Variants in AKAP6 observed in about 807,000 individuals in gnomAD.
AKAP6 encodes A-kinase anchor protein 6.
In AKAP6, 58 loss-of-function variants were observed where a neutral mutation model predicts 188.5. The ratio of observed to expected loss-of-function variants is 0.31; its 90% CI spans 0.25 to 0.38. AKAP6 has a LOEUF of 0.38. Among genes scored for constraint, AKAP6 ranks in the 10% least tolerant of loss-of-function variants. AKAP6 has a pLI of 1.00. For missense variants in AKAP6, 2,710 were observed against 2,740.0 expected (o/e 0.99, Z 0.24); for synonymous variants, 989 against 998.6 (o/e 0.99, Z 0.18).
At chr14:32,532,031 T>G (rs1295440229) in intron 2 of AKAP6, among the ~76,000 whole-genome samples, 4 of 152,184 alleles carry the variant, frequency 2.6e-5, no homozygotes, top group Non-Finnish European at 5.9e-5. Flanking sequence ...ATATTGGTAA[T>G]TGTATGCTTA....
intron 1 of AKAP6, among the ~76,000 whole-genome samples, chr14:32,412,181 G>C (rs1194420060): frequency 2.6e-5 from 4 of 152,050 alleles, no homozygotes; most frequent in Non-Finnish European, 5.9e-5. Context: ...GCATACAATT[G>C]TCTACCAGCT....
In AKAP6 at chr14:32,821,392, T is replaced by C. The variant is rs756237439; in HGVS notation, c.3589-10T>C. The C allele has an allele frequency of 1.3e-6, 2 of 1,564,396 alleles. No individual in the cohort carries two copies. Among genetic ancestry groups the C allele is most frequent in the South Asian group, 1.2e-5 (1 of 83,082 alleles). Reference sequence around the variant, plus strand: ...ATTCTTCTCCTTTTCTTTTTCTTTCTCTCACACAGGAGACTTTGAATGTGA... The same window carrying C: ...ATTCTTCTCCTTTTCTTTTTCTTTCCCTCACACAGGAGACTTTGAATGTGA... On this transcript the variant is annotated splice_polypyrimidine_tract_variant and intron_variant, in intron 12 of 13. Transcript: ENST00000280979.
rs1319545840 is a variant in AKAP6 at position 32,830,679 on chromosome 14, A to G, written c.*874A>G. 2 of 152,632 alleles carry G rather than the reference A, an allele frequency of 1.3e-5. No individual in the cohort carries two copies. The highest frequency in any genetic ancestry group is 2.4e-5 in the African/African-American group (1 of 41,458). 9.5% of individuals were successfully genotyped at this position (152,632 alleles called of 1,614,324 possible). A position where few individuals can be genotyped will look rare whatever the true frequency, so the allele number is the denominator to read the frequency against. On this transcript the variant is annotated 3_prime_UTR_variant, in exon 14 of 14. Coordinates refer to ENST00000280979, the MANE Select transcript of AKAP6 (RefSeq NM_004274.5). ...TATATATGTATAACCAAGTACAAAC[A>G]TTGATGTATAATGACAGTATAAAAT...
chr14:32,449,113 G>C (rs142417125), intron 2 of AKAP6, among the ~76,000 whole-genome samples: 1 of 152,236 alleles, frequency 6.6e-6, no homozygotes, highest in Non-Finnish European at 1.5e-5. Flanking sequence ...TACAATGTCC[G>C]AATTTCCTTT....
At position 32,585,819 on chromosome 14, in the gene AKAP6, A is replaced by T. The variant is rs573220092; in HGVS notation, c.2469+8577A>T. 2.0e-5 allele frequency among the ~76,000 whole-genome samples: 3 copies of T among 152,170 alleles called. No individual in the cohort carries two copies. The South Asian group carries it at 6.2e-4, about 32-fold the overall frequency. On this transcript the variant is annotated intron_variant, in intron 5 of 13. Coordinates refer to ENST00000280979, the MANE Select transcript of AKAP6 (RefSeq NM_004274.5). ...ATGTAATTTTGTTAGGGAAGGGAGG[A>T]TGGGAGATGGGAGGAAAATTTATAA...
At chr14:32,544,687 C>T (rs1883109645) in intron 3 of AKAP6, among the ~76,000 whole-genome samples, 1 of 152,120 alleles carries the variant, frequency 6.6e-6, no homozygotes, top group Admixed American at 6.6e-5. Context: ...TATGTATTTG[C>T]AAATTCAGTA....
At chr14:32,779,665 A>G (rs2033181296) in intron 12 of AKAP6, among the ~76,000 whole-genome samples, 1 of 152,184 alleles carries the variant, frequency 6.6e-6, no homozygotes, top group African/African-American at 2.4e-5. Flanking sequence ...TTTAAAATAC[A>G]TAAAGCAAAA....
intron 1 of AKAP6, among the ~76,000 whole-genome samples, chr14:32,388,077 G>A (rs1279532037): frequency 6.6e-6 from 1 of 151,980 alleles, no homozygotes; most frequent in Non-Finnish European, 1.5e-5. Flanking sequence ...AGCTAGGAGG[G>A]TTGTAGCTTT....
chr14:32,454,853 TTCCCTCCCTCCCTCCC>T (rs1318240186), intron 2 of AKAP6, among the ~76,000 whole-genome samples: 1 of 10,160 alleles, frequency 9.8e-5, no homozygotes, highest in Non-Finnish European at 1.6e-4. Context: ...CCCTCCCTCC[TTCCCTCCCTCCCTCCC>T]TCCCTCCCTC....
At chr14:32,342,427 C>G (rs1366891789) in intron 1 of AKAP6, among the ~76,000 whole-genome samples, 1 of 152,174 alleles carries the variant, frequency 6.6e-6, no homozygotes, top group Non-Finnish European at 1.5e-5. Context: ...TGTTTTGTTT[C>G]TAAGTGACTG....
At chr14:32,532,495 C>G (rs796704693) in intron 2 of AKAP6, among the ~76,000 whole-genome samples, 5 of 152,136 alleles carry the variant, frequency 3.3e-5, no homozygotes, top group African/African-American at 1.2e-4. Context: ...TGACCTTGTT[C>G]TGACTACGTT....
At chr14:32,637,542 T>C (rs755219668) in intron 7 of AKAP6, among the ~76,000 whole-genome samples, 1 of 152,078 alleles carries the variant, frequency 6.6e-6, no homozygotes, top group African/African-American at 2.4e-5. Context: ...ATTTGTAACA[T>C]ATAAGACTAT....
At chr14:32,636,234 C>A (rs901782686) in intron 7 of AKAP6, among the ~76,000 whole-genome samples, 1 of 152,072 alleles carries the variant, frequency 6.6e-6, no homozygotes, top group Non-Finnish European at 1.5e-5. Context: ...AATCAAATTG[C>A]TTGCCCATCA....
At chr14:32,684,828 C>A (rs1019654831) in intron 8 of AKAP6, among the ~76,000 whole-genome samples, 3 of 151,390 alleles carry the variant, frequency 2.0e-5, no homozygotes, top group Non-Finnish European at 4.4e-5. Flanking sequence ...AAATCATTAA[C>A]GAAATATTTA....
chr14:32,702,736 G>C (rs766270239), intron 9 of AKAP6, among the ~76,000 whole-genome samples: 4 of 152,142 alleles, frequency 2.6e-5, no homozygotes, highest in Non-Finnish European at 5.9e-5. Context: ...TCTCTCCCTG[G>C]CCTGGCTGGC....
intron 10 of AKAP6, chr14:32,734,691 C>T (rs2031333219): frequency 2.6e-5 from 4 of 152,052 alleles, no homozygotes; most frequent in Admixed American, 2.6e-4. Context: ...CTGGATTCCA[C>T]TGAGGGTCTT....
intron 7 of AKAP6, among the ~76,000 whole-genome samples, chr14:32,609,462 G>A (rs1251162780): frequency 6.6e-6 from 1 of 152,118 alleles, no homozygotes; most frequent in Non-Finnish European, 1.5e-5. Flanking sequence ...CTAGATTGGA[G>A]GTCCCGCCGG....
intron 2 of AKAP6, among the ~76,000 whole-genome samples, chr14:32,516,112 G>T (rs1378932326): frequency 6.6e-6 from 1 of 152,178 alleles, no homozygotes; most frequent in Admixed American, 6.5e-5. Flanking sequence ...CATTAGAGTT[G>T]AGTTTCTTTG....
In AKAP6 at chr14:32,468,974, A is replaced by G. The variant is rs114048876; in HGVS notation, c.324+35157A>G. Among the ~76,000 whole-genome samples the G allele has an allele frequency of 2.8e-3, 419 of 152,310 alleles. 4 individuals are homozygous for G. The highest frequency in any genetic ancestry group is 9.1e-3 in the African/African-American group (378 of 41,570). On this transcript the variant is annotated intron_variant, in intron 2 of 13. Coordinates refer to ENST00000280979, the MANE Select transcript of AKAP6 (RefSeq NM_004274.5). ...TAATCTCTGCCTAGTGGAATGTGTGAAAAACTGTCCTAAACTCTACAGTAA... is the reference window on the plus strand; with the variant it reads ...TAATCTCTGCCTAGTGGAATGTGTGGAAAACTGTCCTAAACTCTACAGTAA...
Sources: gnomAD v4.1 joint callset for allele counts (sites outside exome capture counted in the v4.1 genomes callset) on GRCh38, gnomAD v4.1.1 for gene constraint, MANE v1.5 for transcripts, NCBI Gene and HGNC (gene_info 2026-07-23, HGNC 2026-07-21) for gene names.